The following RPA1 variants were observed in gnomAD, a reference collection of about 807,000 sequenced individuals.
RPA1 encodes the protein replication protein A1, also known as replication protein A 70 kDa DNA-binding subunit.
Under a neutral mutation model 83.0 loss-of-function variants are expected in RPA1, and 49 were observed. That is an observed-to-expected ratio of 0.59 (90% CI 0.47 to 0.75). The LOEUF (loss-of-function observed/expected upper bound fraction) is 0.75, where lower values mean the gene tolerates loss of function less well. Among genes scored for constraint, RPA1 ranks in the 30% least tolerant of loss-of-function variants. The pLI is 0.00. For synonymous variants in RPA1, 279 were observed against 281.8 expected (o/e 0.99, Z 0.10); for missense variants, 693 against 776.1 (o/e 0.89, Z 1.27).
chr17:1,872,390 C>T, intron 5 of RPA1, 44 bp from the exon 6 acceptor site: 1 of 1,603,040 alleles, frequency 6.2e-7, no homozygotes, highest in Non-Finnish European at 8.5e-7. Context: ...ATCTCTTAAC[C>T]CAAATCCTTT....
intron 1 of RPA1, among the ~76,000 whole-genome samples, chr17:1,842,075 T>C (rs553953624): frequency 6.6e-6 from 1 of 152,272 alleles, no homozygotes; most frequent in South Asian, 2.1e-4. Flanking sequence ...AGGCTGGTCT[T>C]GAACTCTTGG....
intron 5 of RPA1, among the ~76,000 whole-genome samples, chr17:1,862,892 AT>A (rs1401451999): frequency 6.8e-6 from 1 of 147,476 alleles, no homozygotes; most frequent in Admixed American, 6.8e-5. Context: ...TAATTTTTGT[AT>A]TTTTAGTAGA....
chr17:1,856,127 C>T (rs541881156), intron 5 of RPA1, among the ~76,000 whole-genome samples: 1 of 152,088 alleles, frequency 6.6e-6, no homozygotes, highest in African/African-American at 2.4e-5. Flanking sequence ...AGTTCAAGAC[C>T]AGCCTGCGCA....
intron 5 of RPA1, among the ~76,000 whole-genome samples, chr17:1,864,734 A>G (rs1006133916): frequency 2.6e-5 from 4 of 151,490 alleles, no homozygotes; most frequent in African/African-American, 4.9e-5. Context: ...CGCCGTCTCT[A>G]CTAAAAATAA....
At chr17:1,875,893 C>A in intron 7 of RPA1, 100 bp downstream of exon 7, 7 of 1,076,228 alleles carry the variant, frequency 6.5e-6, no homozygotes, top group Non-Finnish European at 8.8e-6. Flanking sequence ...GGGTCACCAC[C>A]AAATACCACC....
In RPA1 at chr17:1,879,618, C is replaced by G. The variant is rs772886120; in HGVS notation, c.1011C>G (p.Asn337Lys). The G allele has an allele frequency of 6.2e-7, 1 of 1,614,254 alleles. No individual in the cohort carries two copies. The highest frequency in any genetic ancestry group is 1.1e-5 in the South Asian group (1 of 91,090). ...CCACTAAAATCACAGTGAGGTCTAA[C>G]AACAGAGAAGTTGCCAAGAGGAATA... Reference protein sequence around the residue: ...EDATKITVRSNNREVAKRNIY... With the variant: ...EDATKITVRSKNREVAKRNIY... Residue 337 changes from asparagine to lysine, a missense_variant, in exon 11 of 17, where the codon AAC becomes AAG. By Grantham distance (94) the Asn-to-Lys change is moderately conservative. Transcript: ENST00000254719.
intron 6 of RPA1, among the ~76,000 whole-genome samples, chr17:1,874,048 C>T (rs1913493842): frequency 6.9e-6 from 1 of 143,940 alleles, no homozygotes; most frequent in African/African-American, 2.7e-5. Flanking sequence ...CACACACACA[C>T]ACACACACAC....
In RPA1 at chr17:1,897,734, C is replaced by T. The variant is rs1016465483; in HGVS notation, c.*559C>T. ...ATAGGGTAGAATGATTAATCAAAGG[C>T]ATATCTTCTATATCTGAAGAGTATC... On this transcript the variant is annotated 3_prime_UTR_variant, in exon 17 of 17. Coordinates refer to ENST00000254719, the MANE Select transcript of RPA1 (RefSeq NM_002945.5). 6.4e-6 allele frequency: 1 copy of T among 155,582 alleles called. No homozygotes were observed. The highest frequency in any genetic ancestry group is 1.4e-5 in the Non-Finnish European group (1 of 69,804). The allele number at this position is 155,582 out of a possible 1,614,324, so 9.6% of individuals were successfully genotyped here.
rs201663810 is a variant in RPA1, at chr17:1,842,865, C to T, written c.84+12C>T. 70 of 1,612,800 alleles carry T rather than the reference C, an allele frequency of 4.3e-5. No individual in the cohort carries two copies. Among genetic ancestry groups the T allele is most frequent in the Admixed American group, 3.5e-4 (21 of 59,996 alleles). On this transcript the variant is annotated intron_variant, in intron 2 of 16. Transcript: ENST00000254719. ...TCCTCCAAGTCATCGTAAGTACCTG[C>T]GTATGTTATGTTCCATGTCAACTTC...
chr17:1,842,748 A>C, intron 1 of RPA1, 55 bp from the exon 2 acceptor site: 1 of 1,489,686 alleles, frequency 6.7e-7, no homozygotes, highest in Non-Finnish European at 9.4e-7. Flanking sequence ...AAAACATGTC[A>C]TTTTCATCAT....
In RPA1 at chr17:1,841,085, G is replaced by T. The variant is rs1278885174; in HGVS notation, c.34-1718G>T. ...CTCAAAAAAAATAAAATAAAATAAAGAAAGTTCTTTTGATGGTGTTTAAGT... is the reference window on the plus strand; with the variant it reads ...CTCAAAAAAAATAAAATAAAATAAATAAAGTTCTTTTGATGGTGTTTAAGT... On this transcript the variant is annotated intron_variant, in intron 1 of 16. Coordinates refer to ENST00000254719, the MANE Select transcript of RPA1 (RefSeq NM_002945.5). 2.0e-5 allele frequency among the ~76,000 whole-genome samples: 3 copies of T among 152,034 alleles called. No homozygotes were observed. In the East Asian group the frequency reaches 5.8e-4, roughly 29 times the overall value.
In RPA1 at chr17:1,843,949, T is replaced by C. The variant is rs1038561492; in HGVS notation, c.114T>C (p.Ser38=). Residue 38 remains serine (S), a synonymous_variant, in exon 3 of 17, where the codon AGT becomes AGC. Transcript: ENST00000254719. ...INIRPITTGN[S]PPRYRLLMSD... is the part of the protein sequence containing the mutation. ...TCCGTCCCATTACTACGGGGAATAGTCCGCCGCGTTATCGACTGCTCATGA... is the reference window on the plus strand; with the variant it reads ...TCCGTCCCATTACTACGGGGAATAGCCCGCCGCGTTATCGACTGCTCATGA... 1.9e-6 allele frequency: 3 copies of C among 1,613,888 alleles called. No individual in the cohort carries two copies. Among genetic ancestry groups the C allele is most frequent in the African/African-American group, 2.7e-5 (2 of 74,900 alleles).
At chr17:1,874,030 T>TACAC (rs1246125038) in intron 6 of RPA1, among the ~76,000 whole-genome samples, 1,297 of 90,824 alleles carry the variant, frequency 0.014, 24 homozygotes, top group African/African-American at 0.035. Context: ...TATATATATA[T>TACAC]ATACACACAC....
Position 1,892,212 on chromosome 17 carries a change from G to A in RPA1, c.1659+272G>A, listed in dbSNP as rs556408629. On this transcript the variant is annotated intron_variant, in intron 15 of 16. Transcript: ENST00000254719. ...AGTAGAGACGGGGTTTTACCATGTT[G>A]GCCAGGCTGGTCTCGAACTCCTGAC... is the stretch of plus-strand genomic sequence containing the variant. 3.9e-5 allele frequency among the ~76,000 whole-genome samples: 6 copies of A among 152,218 alleles called. No homozygotes were observed. In the South Asian group the frequency reaches 1.2e-3, roughly 32 times the overall value.
rs1914552594 is a variant in RPA1, at chr17:1,898,995, C to T, written c.*1820C>T. ...TCCCTCCTCTCCCCACGTGTCTGTCCACACAGTGAAGAGGCCTGACCAGCC... is the reference window on the plus strand; with the variant it reads ...TCCCTCCTCTCCCCACGTGTCTGTCTACACAGTGAAGAGGCCTGACCAGCC... On this transcript the variant is annotated 3_prime_UTR_variant, in exon 17 of 17. Coordinates refer to ENST00000254719, the MANE Select transcript of RPA1 (RefSeq NM_002945.5). 6.5e-6 allele frequency: 1 copy of T among 152,878 alleles called. No individual in the cohort carries two copies. Among genetic ancestry groups the T allele is most frequent in the Non-Finnish European group, 1.5e-5 (1 of 68,134 alleles). 9.5% of individuals were successfully genotyped at this position (152,878 alleles called of 1,614,324 possible).
rs1008183713 is a variant in RPA1, at chr17:1,849,400, C to T, written c.273-3701C>T. Among the ~76,000 whole-genome samples the T allele has an allele frequency of 4.7e-5, 7 of 149,250 alleles. No individual in the cohort carries two copies. The South Asian group carries it at 1.3e-3, about 27-fold the overall frequency. The stretch of plus-strand genomic sequence containing the variant: ...CTCCGCCTCCCGGGTTCACGCCATT[C>T]TCCTGCCTCAGCCTCCCCAGTAGCT... On this transcript the variant is annotated intron_variant, in intron 4 of 16. Coordinates refer to ENST00000254719, the MANE Select transcript of RPA1 (RefSeq NM_002945.5).
chr17:1,831,818 C>G (rs1911614950), intron 1 of RPA1, among the ~76,000 whole-genome samples: 1 of 150,578 alleles, frequency 6.6e-6, no homozygotes, highest in African/African-American at 2.4e-5. Context: ...CCAGGATGGT[C>G]TCGATCTCCT....
chr17:1,854,339 G>C lies in RPA1; in HGVS notation c.361+1150G>C, dbSNP rs545011233. 5 of 152,114 alleles carry C rather than the reference G, an allele frequency of 3.3e-5. No individual in the cohort carries two copies. In the East Asian group the frequency reaches 5.8e-4, roughly 18 times the overall value. The allele number at this position is 152,114 out of a possible 1,614,324, so 9.4% of individuals were successfully genotyped here. A position where few individuals can be genotyped will look rare whatever the true frequency, so the allele number is the denominator to read the frequency against. On this transcript the variant is annotated intron_variant, in intron 5 of 16. Coordinates refer to ENST00000254719, the MANE Select transcript of RPA1 (RefSeq NM_002945.5). Reference sequence around the variant, plus strand: ...AACCATCAAAAATCAAGAGGAAGAGGCTGCACAAATAGATTGGAATAATTC... The same window carrying C: ...AACCATCAAAAATCAAGAGGAAGAGCCTGCACAAATAGATTGGAATAATTC...
At chr17:1,880,229 TGGG>T (rs1913738382) in intron 11 of RPA1, among the ~76,000 whole-genome samples, 1 of 152,132 alleles carries the variant, frequency 6.6e-6, no homozygotes, top group African/African-American at 2.4e-5. Context: ...TCCTATGAGT[TGGG>T]GGCTTTCACC....
Sources: gnomAD v4.1 joint callset for allele counts (sites outside exome capture counted in the v4.1 genomes callset) on GRCh38, gnomAD v4.1.1 for gene constraint, MANE v1.5 for transcripts, NCBI Gene and HGNC (gene_info 2026-07-23, HGNC 2026-07-21) for gene names.